DIPK1A: variants seen among roughly 807,000 people sequenced by gnomAD.
DIPK1A encodes family with sequence similarity 69 member A.
In DIPK1A, 27 loss-of-function variants were observed where a neutral mutation model predicts 40.8. The observed-to-expected ratio is 0.66, with a 90% CI of 0.49 to 0.91. The LOEUF (loss-of-function observed/expected upper bound fraction) is 0.91, where lower values mean the gene tolerates loss of function less well. Among genes scored for constraint, DIPK1A ranks in the 40% least tolerant of loss-of-function variants. The pLI is 0.00. For synonymous variants in DIPK1A, 166 were observed against 171.3 expected (o/e 0.97, Z 0.24); for missense variants, 412 against 505.7 (o/e 0.81, Z 1.78).
chr1:92,883,710 G>A (rs1221555486), intron 1 of DIPK1A, among the ~76,000 whole-genome samples: 1 of 152,186 alleles, frequency 6.6e-6, no homozygotes, highest in Non-Finnish European at 1.5e-5. Context: ...TGCTCAGAGT[G>A]AGTGTTCCAA....
At chr1:92,910,638 T>C (rs1002040489) in intron 1 of DIPK1A, among the ~76,000 whole-genome samples, 2 of 151,916 alleles carry the variant, frequency 1.3e-5, no homozygotes, top group African/African-American at 2.4e-5. Context: ...AAAATAAATA[T>C]GCTATAGTTC....
At chr1:92,879,555 T>C (rs1020172389) in intron 1 of DIPK1A, among the ~76,000 whole-genome samples, 1 of 152,224 alleles carries the variant, frequency 6.6e-6, no homozygotes, top group African/African-American at 2.4e-5. Flanking sequence ...GCATCACCTG[T>C]TGTAGACAAA....
chr1:92,898,481 A>T (rs1380449702), intron 1 of DIPK1A, among the ~76,000 whole-genome samples: 1 of 152,164 alleles, frequency 6.6e-6, no homozygotes, highest in Non-Finnish European at 1.5e-5. Context: ...GGGGACAAAC[A>T]TTCAAACCAT....
chr1:92,928,604 CTTGTTT>C (rs1650613212), intron 1 of DIPK1A, among the ~76,000 whole-genome samples: 1 of 152,130 alleles, frequency 6.6e-6, no homozygotes, highest in South Asian at 2.1e-4. Flanking sequence ...GTGATGAATT[CTTGTTT>C]TTATCTGAAA....
chr1:92,933,193 GAAGGA>G (rs1490114000), intron 1 of DIPK1A: 3 of 152,036 alleles, frequency 2.0e-5, no homozygotes, highest in African/African-American at 7.2e-5. Context: ...CCAAGAAGTA[GAAGGA>G]AAGAAATAAT....
intron 4 of DIPK1A, chr1:92,836,117 A>G (rs1177350930): frequency 7.2e-7 from 1 of 1,386,090 alleles, no homozygotes; most frequent in African/African-American, 1.4e-5. Context: ...CCTTACGGTT[A>G]TGACATAAGC....
intron 1 of DIPK1A, among the ~76,000 whole-genome samples, chr1:92,919,122 T>A (rs1650173133): frequency 6.6e-6 from 1 of 152,138 alleles, no homozygotes; most frequent in African/African-American, 2.4e-5. Flanking sequence ...CCAGGGAGCA[T>A]CTTCTTTTTC....
At chr1:92,837,610 A>C, downstream of DIPK1A, 1 of 1,612,158 alleles carries the variant, frequency 6.2e-7, no homozygotes, top group Non-Finnish European at 8.5e-7. Flanking sequence ...TCAATACATA[A>C]AGAACAGCGT....
chr1:92,889,222 A>G (rs983389791), intron 1 of DIPK1A, among the ~76,000 whole-genome samples: 1 of 152,196 alleles, frequency 6.6e-6, no homozygotes, highest in Non-Finnish European at 1.5e-5. Flanking sequence ...ATTTCTCCAT[A>G]TGGCTATCCA....
chr1:92,883,674 T>A (rs1213089386), intron 1 of DIPK1A, among the ~76,000 whole-genome samples: 1 of 152,212 alleles, frequency 6.6e-6, no homozygotes, highest in Admixed American at 6.5e-5. Flanking sequence ...TCAAGGTAAT[T>A]GAACTTCTTA....
intron 1 of DIPK1A, among the ~76,000 whole-genome samples, chr1:92,902,976 A>G (rs571199780): frequency 6.6e-6 from 1 of 152,338 alleles, no homozygotes; most frequent in South Asian, 2.1e-4. Flanking sequence ...CAGGAGAGAC[A>G]TTCAGTAAGT....
At chr1:92,889,683 T>C (rs566471443) in intron 1 of DIPK1A, among the ~76,000 whole-genome samples, 1 of 152,228 alleles carries the variant, frequency 6.6e-6, no homozygotes, top group Non-Finnish European at 1.5e-5. Flanking sequence ...GGTATCACTC[T>C]GTCACACAGG....
downstream of DIPK1A, chr1:92,837,728 G>C (rs549274227): frequency 4.1e-6 from 4 of 978,718 alleles, no homozygotes; most frequent in Non-Finnish European, 6.4e-6. Context: ...ATATAGGTGT[G>C]TTTCTTGACA....
chr1:92,895,504 T>G (rs1055371249), intron 1 of DIPK1A, among the ~76,000 whole-genome samples: 4 of 152,000 alleles, frequency 2.6e-5, no homozygotes, highest in Non-Finnish European at 5.9e-5. Context: ...GGGACATATC[T>G]CAAAATAATT....
intron 2 of DIPK1A, among the ~76,000 whole-genome samples, chr1:92,872,662 T>C (rs1021666060): frequency 2.0e-5 from 3 of 152,328 alleles, no homozygotes; most frequent in Non-Finnish European, 4.4e-5. Flanking sequence ...AAGGTAATGG[T>C]AGCTGATCAC....
intron 2 of DIPK1A, among the ~76,000 whole-genome samples, chr1:92,854,091 T>G (rs1463761226): frequency 1.3e-5 from 2 of 152,172 alleles, no homozygotes; most frequent in Admixed American, 6.5e-5. Context: ...TTCACTTTGT[T>G]GCCCAGGCTG....
chr1:92,882,572 G>C (rs1447131722), intron 1 of DIPK1A, among the ~76,000 whole-genome samples: 3 of 152,154 alleles, frequency 2.0e-5, no homozygotes, highest in Non-Finnish European at 4.4e-5. Context: ...TACACAAGTA[G>C]AAGCATATTC....
chr1:92,833,477 G>A (rs1375441371), intron 4 of DIPK1A: 2 of 1,613,492 alleles, frequency 1.2e-6, no homozygotes, highest in South Asian at 2.2e-5. Flanking sequence ...ACCTTTTTGT[G>A]TTTACAATAT....
chr1:92,915,745 A>G (rs560419854), intron 1 of DIPK1A, among the ~76,000 whole-genome samples: 34 of 152,346 alleles, frequency 2.2e-4, no homozygotes, highest in African/African-American at 7.9e-4. Context: ...GGCTTACAAC[A>G]TGACCCAGCA....
Sources: allele counts gnomAD v4.1 joint callset (sites outside exome capture counted in the v4.1 genomes callset), GRCh38; gene constraint gnomAD v4.1.1; transcripts MANE v1.5; gene names NCBI Gene and HGNC (gene_info 2026-07-23, HGNC 2026-07-21).